The following TRPM3 variants were observed in gnomAD, a reference collection of about 807,000 sequenced individuals.
TRPM3 encodes transient receptor potential cation channel subfamily M member 3.
TRPM3 carries 77 observed loss-of-function variants against 181.2 expected under a neutral mutation model. That is an observed-to-expected ratio of 0.42 (90% CI 0.35 to 0.51). TRPM3 has a LOEUF of 0.51. Among genes scored for constraint, TRPM3 ranks in the 20% least tolerant of loss-of-function variants. The probability of loss-of-function intolerance (pLI) is 0.01; values close to 1 mark genes in which losing one functional copy is unlikely to be tolerated. For synonymous variants in TRPM3, 745 were observed against 796.4 expected (o/e 0.94, Z 1.09); for missense variants, 1,759 against 2,196.7 (o/e 0.80, Z 3.98).
chr9:71,238,245 T>C (rs1477552441), intron 1 of TRPM3, among the ~76,000 whole-genome samples: 1 of 152,064 alleles, frequency 6.6e-6, no homozygotes, highest in East Asian at 1.9e-4. Context: ...ATAAGGCCTG[T>C]CAGAGGTGAT....
chr9:71,150,094 T>TA (rs894989995), intron 1 of TRPM3, among the ~76,000 whole-genome samples: 1 of 151,680 alleles, frequency 6.6e-6, no homozygotes, highest in East Asian at 1.9e-4. Context: ...CTGAAAAAGT[T>TA]AAAAAAAATT....
intron 1 of TRPM3, among the ~76,000 whole-genome samples, chr9:71,237,080 A>AG (rs1467489273): frequency 7.3e-6 from 1 of 136,882 alleles, no homozygotes; most frequent in Admixed American, 7.0e-5. Context: ...AAAAAAAGAA[A>AG]GGAAAGGGAA....
chr9:71,331,837 G>GAA (rs2090175675), intron 1 of TRPM3, among the ~76,000 whole-genome samples: 1 of 101,122 alleles, frequency 9.9e-6, no homozygotes, highest in Non-Finnish European at 1.9e-5. Context: ...AAGAGGAGAG[G>GAA]GAGGAGGAGG....
intron 1 of TRPM3, among the ~76,000 whole-genome samples, chr9:71,395,478 G>C (rs1046561625): frequency 1.3e-5 from 2 of 152,198 alleles, no homozygotes; most frequent in Non-Finnish European, 2.9e-5. Flanking sequence ...TAGGGAGAGT[G>C]CTTTGTTTGA....
intron 1 of TRPM3, among the ~76,000 whole-genome samples, chr9:71,410,653 A>C (rs1458200435): frequency 6.6e-6 from 1 of 152,210 alleles, no homozygotes; most frequent in African/African-American, 2.4e-5. Flanking sequence ...GCCCAGACGG[A>C]TTCACAGCCA....
chr9:70,667,252 T>C (rs2061976006), intron 9 of TRPM3, among the ~76,000 whole-genome samples: 8 of 152,180 alleles, frequency 5.3e-5, no homozygotes, highest in Admixed American at 4.6e-4. Flanking sequence ...GTGAACTTAA[T>C]GGTTAGATAA....
At chr9:71,117,174 T>C (rs1352985891) in intron 1 of TRPM3, among the ~76,000 whole-genome samples, 1 of 152,156 alleles carries the variant, frequency 6.6e-6, no homozygotes, top group East Asian at 1.9e-4. Flanking sequence ...TCCCCAGGCC[T>C]CTAATCTAAT....
At chr9:71,093,607 G>A (rs1182070604) in intron 1 of TRPM3, among the ~76,000 whole-genome samples, 1 of 152,174 alleles carries the variant, frequency 6.6e-6, no homozygotes, top group East Asian at 1.9e-4. Context: ...GAAAGGATGT[G>A]GAGAAATAGG....
chr9:70,806,789 T>A lies in TRPM3; in HGVS notation c.973+21058A>T, dbSNP rs552980845. Among the ~76,000 whole-genome samples, 139 of 152,304 alleles carry A rather than the reference T, an allele frequency of 9.1e-4. 1 individual carries two copies. Among genetic ancestry groups the A allele is most frequent in the Non-Finnish European group, 1.4e-3 (96 of 68,008 alleles). Reference sequence around the variant, plus strand: ...TATTAGTGACATCTGGGAGCACTATTTATAGTCATTTCCCAAGACTATATG... The same window carrying A: ...TATTAGTGACATCTGGGAGCACTATATATAGTCATTTCCCAAGACTATATG... On this transcript the variant is annotated intron_variant, in intron 6 of 25. Coordinates refer to ENST00000677713, the MANE Select transcript of TRPM3 (RefSeq NM_001366145.2).
At chr9:71,012,844 T>C (rs568046846) in intron 1 of TRPM3, among the ~76,000 whole-genome samples, 1 of 152,244 alleles carries the variant, frequency 6.6e-6, no homozygotes, top group African/African-American at 2.4e-5. Context: ...ATACAGACAA[T>C]TTTATTTCTT....
chr9:70,891,240 A>C (rs187592393), intron 1 of TRPM3, among the ~76,000 whole-genome samples: 31 of 152,312 alleles, frequency 2.0e-4, no homozygotes, highest in African/African-American at 7.5e-4. Flanking sequence ...TTGCATAGTC[A>C]TAGAAAATAA....
intron 1 of TRPM3, among the ~76,000 whole-genome samples, chr9:71,066,477 A>T (rs1392294211): frequency 1.3e-5 from 2 of 152,202 alleles, no homozygotes; most frequent in Non-Finnish European, 2.9e-5. Flanking sequence ...CTTCCCGGTC[A>T]TAAATAATGG....
intron 1 of TRPM3, among the ~76,000 whole-genome samples, chr9:71,002,980 T>C (rs1037506940): frequency 1.3e-5 from 2 of 152,208 alleles, no homozygotes; most frequent in Non-Finnish European, 1.5e-5. Context: ...CAGGACTCTA[T>C]CAAGAATTAC....
chr9:70,923,824 C>CTA (rs1314329889), intron 1 of TRPM3, among the ~76,000 whole-genome samples: 115 of 142,514 alleles, frequency 8.1e-4, no homozygotes, highest in African/African-American at 1.7e-3. Flanking sequence ...CTCTCTCTCT[C>CTA]TCTCTATATA....
chr9:71,264,520 G>A (rs1411498), intron 1 of TRPM3, among the ~76,000 whole-genome samples: 81,400 of 151,946 alleles, frequency 0.54, 21,872 homozygotes, highest in Middle Eastern at 0.59. Context: ...CCTCTTAAAC[G>A]AAAATAAATT....
chr9:70,551,129 T>A (rs537820048), intron 24 of TRPM3, among the ~76,000 whole-genome samples: 2 of 152,354 alleles, frequency 1.3e-5, no homozygotes, highest in South Asian at 2.1e-4. Context: ...TACTATTTTT[T>A]AAAACTCCAT....
At chr9:71,290,941 A>T (rs1565428967) in intron 1 of TRPM3, among the ~76,000 whole-genome samples, 1 of 152,084 alleles carries the variant, frequency 6.6e-6, no homozygotes, top group Non-Finnish European at 1.5e-5. Flanking sequence ...GCAATATATT[A>T]GAAATGAAGA....
intron 1 of TRPM3, among the ~76,000 whole-genome samples, chr9:71,053,348 G>C (rs1000927628): frequency 5.9e-5 from 9 of 152,028 alleles, no homozygotes; most frequent in Non-Finnish European, 1.3e-4. Context: ...CTTCTTAAAA[G>C]TGCCTCTTGT....
At chr9:71,445,800 C>T (rs2094195797) in intron 1 of TRPM3, among the ~76,000 whole-genome samples, 1 of 152,188 alleles carries the variant, frequency 6.6e-6, no homozygotes, top group African/African-American at 2.4e-5. Flanking sequence ...CACAAACACA[C>T]ACACAGGCTG....
Sources: allele counts gnomAD v4.1 joint callset (sites outside exome capture counted in the v4.1 genomes callset), GRCh38; gene constraint gnomAD v4.1.1; transcripts MANE v1.5; gene names NCBI Gene and HGNC (gene_info 2026-07-23, HGNC 2026-07-21).